The following BCAS3 variants were observed in gnomAD, a reference collection of about 807,000 sequenced individuals.
BCAS3 encodes the protein BCAS3 microtubule associated cell migration factor.
A neutral mutation model predicts 116.1 loss-of-function variants in BCAS3; 53 were observed. The observed-to-expected ratio is 0.46, with a 90% CI of 0.37 to 0.57. The LOEUF is 0.57. Ranked by LOEUF, BCAS3 falls within the 20% of genes least tolerant of loss-of-function variation. BCAS3 has a pLI of 0.00. For missense variants in BCAS3, 917 were observed against 1,165.4 expected (o/e 0.79, Z 3.10); for synonymous variants, 391 against 408.2 (o/e 0.96, Z 0.51).
chr17:60,875,387 T>G (rs993504496), intron 9 of BCAS3, among the ~76,000 whole-genome samples: 8 of 152,046 alleles, frequency 5.3e-5, no homozygotes, highest in African/African-American at 1.9e-4. Context: ...ATTTTCTGTA[T>G]GATGGAAAAA....
rs35597487 is a variant in BCAS3, at chr17:61,214,368, AAAATAAAT to A, written c.2425+129826_2425+129833del. ...GGCCACAGAGCAAGACCCTATCTCA[AAAATAAAT>A]AAATAAATAAATAAATAAATATTTT... On this transcript the variant is annotated intron_variant, in intron 22 of 23. Coordinates refer to ENST00000407086, the MANE Select transcript of BCAS3 (RefSeq NM_017679.5). The surrounding 1 kb of genome is among the most constrained non-coding windows in gnomAD (Gnocchi z 4.4). Among the ~76,000 whole-genome samples, 13 of 150,076 alleles carry A rather than the reference AAAATAAAT, an allele frequency of 8.7e-5. No homozygotes were observed. Among genetic ancestry groups the A allele is most frequent in the African/African-American group, 1.0e-4 (4 of 39,984 alleles).
intron 22 of BCAS3, among the ~76,000 whole-genome samples, chr17:61,296,015 T>G (rs905793826): frequency 6.6e-6 from 1 of 151,958 alleles, no homozygotes; most frequent in Non-Finnish European, 1.5e-5. Flanking sequence ...ACACAACAGT[T>G]GCTTAGACAG....
At position 60,989,993 on chromosome 17, in the gene BCAS3, A is replaced by T. The variant is rs367925348; in HGVS notation, c.1244A>T (p.His415Leu). 7.4e-6 allele frequency: 12 copies of T among 1,614,060 alleles called. No homozygotes were observed. Among genetic ancestry groups the T allele is most frequent in the Non-Finnish European group, 1.0e-5 (12 of 1,180,020 alleles). ...EAKVQDICFS[H>L]DCRWVVVSTL... is the part of the protein sequence containing the mutation. Reference sequence around the variant, plus strand: ...TAGGTACAGGACATCTGCTTCAGCCATGACTGTCGCTGGGTTGTGGTCAGT... The same window carrying T: ...TAGGTACAGGACATCTGCTTCAGCCTTGACTGTCGCTGGGTTGTGGTCAGT... Residue 415 changes from histidine to leucine, a missense_variant, in exon 15 of 24, where the codon CAT becomes CTT. Around this residue, in one of 3 missense-constraint regions of BCAS3, gnomAD observed 807 missense variants for 1,026.0 expected, o/e 0.79. Transcript: ENST00000407086.
At chr17:61,036,529 A>G (rs1002646286) in intron 17 of BCAS3, 1 of 152,172 alleles carries the variant, frequency 6.6e-6, no homozygotes, top group African/African-American at 2.4e-5. Context: ...GCTCGATTTC[A>G]AATGCTTCTC....
intron 3 of BCAS3, among the ~76,000 whole-genome samples, chr17:60,686,093 C>T (rs1022491958): frequency 5.3e-5 from 8 of 152,074 alleles, no homozygotes; most frequent in African/African-American, 1.9e-4. Flanking sequence ...TGGTCTCCAT[C>T]TCCTGACCTT....
chr17:61,005,673 G>T (rs996218037), intron 15 of BCAS3, among the ~76,000 whole-genome samples: 4 of 151,778 alleles, frequency 2.6e-5, no homozygotes, highest in Non-Finnish European at 5.9e-5. Context: ...GAGAATAGGG[G>T]ACTGTGAGGA....
chr17:61,343,204 G>A lies in BCAS3; in HGVS notation c.2426-25123G>A, dbSNP rs539440308. On this transcript the variant is annotated intron_variant, in intron 22 of 23. Coordinates refer to ENST00000407086, the MANE Select transcript of BCAS3 (RefSeq NM_017679.5). This position sits in a 1 kb window ranked among gnomAD's most constrained non-coding sequence, Gnocchi z 5.5. Reference sequence around the variant, plus strand: ...CTCTGCCATGGCTCTTCATAAGCACGTTGGCCAAGGCTGTTGCCACACAAG... The same window carrying A: ...CTCTGCCATGGCTCTTCATAAGCACATTGGCCAAGGCTGTTGCCACACAAG... Among the ~76,000 whole-genome samples, 15 of 152,302 alleles carry A rather than the reference G, an allele frequency of 9.8e-5. No homozygotes were observed. The highest frequency in any genetic ancestry group is 3.4e-4 in the African/African-American group (14 of 41,560).
At position 61,388,733 on chromosome 17, in the gene BCAS3, C is replaced by G. The variant is rs768653425; in HGVS notation, c.2594-3244C>G. ...GGTAAGGCCACACGTTTCCATTTGCCGCTTGCTCGTAGGGCTGGGCGGCCG... is the reference window on the plus strand; with the variant it reads ...GGTAAGGCCACACGTTTCCATTTGCGGCTTGCTCGTAGGGCTGGGCGGCCG... On this transcript the variant is annotated intron_variant, in intron 23 of 23. Coordinates refer to ENST00000407086, the MANE Select transcript of BCAS3 (RefSeq NM_017679.5). This position sits in a 1 kb window ranked among gnomAD's most constrained non-coding sequence, Gnocchi z 6.5. 6 of 1,536,574 alleles carry G rather than the reference C, an allele frequency of 3.9e-6. No individual in the cohort carries two copies. The highest frequency in any genetic ancestry group is 5.2e-6 in the Non-Finnish European group (6 of 1,147,558).
intron 22 of BCAS3, among the ~76,000 whole-genome samples, chr17:61,234,935 A>T (rs1287726369): frequency 6.6e-6 from 1 of 152,010 alleles, no homozygotes; most frequent in Non-Finnish European, 1.5e-5. Flanking sequence ...TCACCCAGGG[A>T]GGAGTGCAGT....
chr17:60,774,007 AAT>A (rs1342134408), intron 6 of BCAS3, among the ~76,000 whole-genome samples: 1 of 152,122 alleles, frequency 6.6e-6, no homozygotes, highest in Non-Finnish European at 1.5e-5. Flanking sequence ...GGCTTTTGGA[AAT>A]ATCTTCTACC....
chr17:60,743,473 A>AT (rs201801338), intron 5 of BCAS3, among the ~76,000 whole-genome samples: 4,735 of 151,254 alleles, frequency 0.031, 236 homozygotes, highest in African/African-American at 0.1. Flanking sequence ...GGATGTATGT[A>AT]TTTTTTCTGT....
At chr17:61,016,036 G>GCC in intron 16 of BCAS3, 135 bp downstream of exon 16, 1 of 928,668 alleles carries the variant, frequency 1.1e-6, no homozygotes. Context: ...AATGGCATCA[G>GCC]ATTAAGTACA....
intron 19 of BCAS3, among the ~76,000 whole-genome samples, chr17:61,061,844 CA>C (rs2070077626): frequency 2.0e-5 from 3 of 152,082 alleles, no homozygotes; most frequent in Admixed American, 2.0e-4. Flanking sequence ...AACAAAAAAA[CA>C]ACGTGTTTGA....
intron 5 of BCAS3, among the ~76,000 whole-genome samples, chr17:60,721,917 C>G (rs565140349): frequency 1.3e-5 from 2 of 151,976 alleles, no homozygotes; most frequent in Non-Finnish European, 2.9e-5. Flanking sequence ...ACCATAGATT[C>G]TTTTTTTCTA....
chr17:61,183,155 CT>C (rs749060029), intron 22 of BCAS3, among the ~76,000 whole-genome samples: 14 of 151,774 alleles, frequency 9.2e-5, no homozygotes, highest in Non-Finnish European at 1.6e-4. Context: ...TTTGTTTTTC[CT>C]GAAGAAACTC....
chr17:60,753,879 T>A (rs2144304291), intron 6 of BCAS3, among the ~76,000 whole-genome samples: 1 of 152,302 alleles, frequency 6.6e-6, no homozygotes. Context: ...TTTCTAATAT[T>A]TGCATTCTAT....
intron 7 of BCAS3, among the ~76,000 whole-genome samples, chr17:60,813,285 T>C (rs1344561354): frequency 2.1e-5 from 3 of 144,268 alleles, no homozygotes; most frequent in African/African-American, 8.7e-5. Context: ...TTTTCAGAGG[T>C]AACAAAGATT....
At chr17:60,866,668 A>C (rs1403090263) in intron 7 of BCAS3, among the ~76,000 whole-genome samples, 1 of 152,110 alleles carries the variant, frequency 6.6e-6, no homozygotes, top group African/African-American at 2.4e-5. Flanking sequence ...TTCTTTTTAG[A>C]TCGTGAGCTA....
intron 19 of BCAS3, among the ~76,000 whole-genome samples, chr17:61,066,392 G>C (rs903860421): frequency 2.2e-4 from 33 of 152,172 alleles, no homozygotes; most frequent in African/African-American, 7.7e-4. Context: ...ATGCTTACAA[G>C]CTGTGTGTAG....
Sources: gnomAD v4.1 joint callset for allele counts (sites outside exome capture counted in the v4.1 genomes callset) on GRCh38, gnomAD v4.1.1 for gene constraint, gnomAD v4.1.1 regional missense constraint, Gnocchi (gnomAD v3.1) non-coding constraint, MANE v1.5 for transcripts, NCBI Gene and HGNC (gene_info 2026-07-23, HGNC 2026-07-21) for gene names.